The following GRM5 variants were observed in gnomAD, a reference collection of about 807,000 sequenced individuals.
The protein encoded by GRM5 is metabotropic glutamate receptor 5.
GRM5 carries 19 observed loss-of-function variants against 83.1 expected under a neutral mutation model. That is an observed-to-expected ratio of 0.23 (90% CI 0.16 to 0.34). The LOEUF (loss-of-function observed/expected upper bound fraction) is 0.34. Among genes scored for constraint, GRM5 ranks in the 10% least tolerant of loss-of-function variants. The probability of loss-of-function intolerance (pLI) is 1.00; values close to 1 mark genes in which losing one functional copy is unlikely to be tolerated. For missense variants in GRM5, 1,160 were observed against 1,588.3 expected (o/e 0.73, Z 4.58); for synonymous variants, 675 against 633.6 (o/e 1.07, Z -0.98).
chr11:88,890,372 C>G (rs1024934267), intron 2 of GRM5, among the ~76,000 whole-genome samples: 4 of 152,084 alleles, frequency 2.6e-5, no homozygotes, highest in African/African-American at 9.7e-5. Flanking sequence ...CCAGTTCCAC[C>G]AAAGGCTCCA....
intron 2 of GRM5, among the ~76,000 whole-genome samples, chr11:89,032,719 A>G (rs1391323787): frequency 2.0e-5 from 3 of 152,166 alleles, no homozygotes; most frequent in African/African-American, 7.2e-5. Context: ...CCTCATTTCC[A>G]CAGCAAATAG....
intron 7 of GRM5, among the ~76,000 whole-genome samples, chr11:88,575,847 C>T (rs910667905): frequency 1.3e-4 from 20 of 150,566 alleles, no homozygotes; most frequent in African/African-American, 4.8e-4. Flanking sequence ...TTACACATCT[C>T]GTTTTAGATT....
At chr11:88,696,396 G>C (rs1940902985) in intron 3 of GRM5, among the ~76,000 whole-genome samples, 1 of 152,166 alleles carries the variant, frequency 6.6e-6, no homozygotes, top group Non-Finnish European at 1.5e-5. Context: ...AAAAACAGGA[G>C]TGCCTGTTAT....
At chr11:88,954,642 C>A (rs1938554797) in intron 2 of GRM5, among the ~76,000 whole-genome samples, 1 of 152,126 alleles carries the variant, frequency 6.6e-6, no homozygotes. Flanking sequence ...AGAGAAACTG[C>A]ATTTTTAATT....
intron 2 of GRM5, among the ~76,000 whole-genome samples, chr11:89,006,205 T>A (rs532436000): frequency 3.9e-5 from 6 of 152,322 alleles, no homozygotes; most frequent in African/African-American, 1.4e-4. Context: ...TGCCATATAC[T>A]GCCACAGGAC....
At chr11:88,969,217 A>G (rs1024687428) in intron 2 of GRM5, among the ~76,000 whole-genome samples, 1 of 151,988 alleles carries the variant, frequency 6.6e-6, no homozygotes, top group Admixed American at 6.6e-5. Flanking sequence ...GCTTTAAAAA[A>G]TTTTCATATT....
intron 3 of GRM5, among the ~76,000 whole-genome samples, chr11:88,746,416 C>G (rs7482486): frequency 0.99 from 150,397 of 152,234 alleles, 74,316 homozygotes; most frequent in South Asian, 1. Flanking sequence ...TTTGTTTAGC[C>G]TGATTCTAGC....
chr11:88,693,611 A>G (rs1940834154), intron 3 of GRM5, among the ~76,000 whole-genome samples: 1 of 152,314 alleles, frequency 6.6e-6, no homozygotes, highest in Admixed American at 6.5e-5. Flanking sequence ...CGATCACGGT[A>G]CTAGGAGACT....
intron 2 of GRM5, among the ~76,000 whole-genome samples, chr11:89,017,586 C>T (rs1940889778): frequency 1.3e-5 from 2 of 152,154 alleles, no homozygotes; most frequent in South Asian, 4.1e-4. Context: ...ATGATAACTC[C>T]CACTTACAAA....
intron 2 of GRM5, among the ~76,000 whole-genome samples, chr11:88,892,493 C>T (rs561389975): frequency 5.5e-4 from 84 of 152,138 alleles, no homozygotes; most frequent in African/African-American, 1.9e-3. Flanking sequence ...AGAGTTCCAT[C>T]AAAGCCAACC....
chr11:88,983,474 T>C (rs188340995), intron 2 of GRM5, among the ~76,000 whole-genome samples: 101 of 152,330 alleles, frequency 6.6e-4, no homozygotes, highest in African/African-American at 2.3e-3. Flanking sequence ...AGTGATGTCA[T>C]AGTTATTATA....
intron 2 of GRM5, among the ~76,000 whole-genome samples, chr11:89,034,488 G>A (rs1411316329): frequency 2.0e-5 from 3 of 151,708 alleles, no homozygotes; most frequent in East Asian, 3.9e-4. Flanking sequence ...TCTATGAGGG[G>A]AAATGTTCTA....
rs570472297 is a variant in GRM5, at chr11:88,888,484, T to C, written c.662-38329A>G. Among the ~76,000 whole-genome samples, 209 of 152,272 alleles carry C rather than the reference T, an allele frequency of 1.4e-3. 1 individual carries two copies. Among genetic ancestry groups the C allele is most frequent in the Middle Eastern group, 3.4e-3 (1 of 294 alleles). On this transcript the variant is annotated intron_variant, in intron 2 of 9. Coordinates refer to ENST00000305447, the MANE Select transcript of GRM5 (RefSeq NM_001143831.3). ...ACTCTTCTATGGTGTTTTTCCTTTT[T>C]TCACTGTTTTCAATGGCCCTTTTAT...
chr11:88,604,609 A>G, intron 5 of GRM5, 109 bp downstream of exon 5: 1 of 909,082 alleles, frequency 1.1e-6, no homozygotes, highest in Admixed American at 2.2e-5. Flanking sequence ...AAGGGGAAAC[A>G]TTACCAGGAA....
intron 9 of GRM5, chr11:88,522,889 A>G (rs528092595): frequency 6.6e-6 from 1 of 152,320 alleles, no homozygotes; most frequent in South Asian, 2.1e-4. Context: ...TTGCGGTTGT[A>G]GAGAAACTCA....
intron 2 of GRM5, among the ~76,000 whole-genome samples, chr11:88,887,697 A>C (rs1590940134): frequency 6.6e-6 from 1 of 152,286 alleles, no homozygotes; most frequent in South Asian, 2.1e-4. Flanking sequence ...GACTAAAGGG[A>C]TACTTTTTTG....
intron 2 of GRM5, among the ~76,000 whole-genome samples, chr11:89,010,471 C>T (rs1324038949): frequency 6.6e-6 from 1 of 152,094 alleles, no homozygotes; most frequent in Non-Finnish European, 1.5e-5. Context: ...CCAAGGATCA[C>T]AGAATTATGA....
chr11:89,026,315 A>C (rs1390631536), intron 2 of GRM5, among the ~76,000 whole-genome samples: 1 of 152,210 alleles, frequency 6.6e-6, no homozygotes, highest in Non-Finnish European at 1.5e-5. Context: ...AACCTAAAGT[A>C]AAACTTAAGG....
At chr11:88,818,503 T>C (rs1423818213) in intron 3 of GRM5, among the ~76,000 whole-genome samples, 2 of 152,176 alleles carry the variant, frequency 1.3e-5, no homozygotes, top group African/African-American at 2.4e-5. Flanking sequence ...AGTCATGTTC[T>C]TTCTAGTAGC....
Sources: gnomAD v4.1 joint callset for allele counts (sites outside exome capture counted in the v4.1 genomes callset) on GRCh38, gnomAD v4.1.1 for gene constraint, MANE v1.5 for transcripts, NCBI Gene and HGNC (gene_info 2026-07-23, HGNC 2026-07-21) for gene names.